The following PSD3 variants were observed in gnomAD, a reference collection of about 807,000 sequenced individuals.
PSD3 encodes the protein pleckstrin and Sec7 domain containing 3.
A neutral mutation model predicts 105.5 loss-of-function variants in PSD3; 49 were observed. That is an observed-to-expected ratio of 0.46 (90% CI 0.37 to 0.59). PSD3 has a LOEUF of 0.59. Ranked by LOEUF, PSD3 falls within the 20% of genes least tolerant of loss-of-function variation. The probability of loss-of-function intolerance (pLI) is 0.00; values close to 1 mark genes in which losing one functional copy is unlikely to be tolerated. For synonymous variants in PSD3, 557 were observed against 457.8 expected (o/e 1.22, Z -2.77); for missense variants, 1,561 against 1,263.8 (o/e 1.24, Z -3.57).
intron 9 of PSD3, among the ~76,000 whole-genome samples, chr8:18,745,009 G>C (rs1217692694): frequency 2.0e-5 from 3 of 152,160 alleles, no homozygotes; most frequent in Non-Finnish European, 4.4e-5. Context: ...AGGCATTTTG[G>C]GAAAGAGAAG....
chr8:18,658,778 A>T (rs1809089884), intron 9 of PSD3, among the ~76,000 whole-genome samples: 1 of 151,212 alleles, frequency 6.6e-6, no homozygotes, highest in Non-Finnish European at 1.5e-5. Flanking sequence ...CCTTAAGGGT[A>T]AGGAGGCCTA....
At chr8:18,672,187 T>A (rs1363354083) in intron 9 of PSD3, among the ~76,000 whole-genome samples, 1 of 152,114 alleles carries the variant, frequency 6.6e-6, no homozygotes, top group Non-Finnish European at 1.5e-5. Context: ...AACATAAATT[T>A]AAAGTGACCT....
At chr8:18,650,677 A>T (rs1462911706) in intron 10 of PSD3, among the ~76,000 whole-genome samples, 1 of 152,260 alleles carries the variant, frequency 6.6e-6, no homozygotes, top group African/African-American at 2.4e-5. Flanking sequence ...GGCCAGGCAC[A>T]GGAGAAGCTG....
chr8:18,735,811 A>C (rs1804106381), intron 9 of PSD3, among the ~76,000 whole-genome samples: 1 of 152,198 alleles, frequency 6.6e-6, no homozygotes, highest in South Asian at 2.1e-4. Flanking sequence ...GTGACACAGC[A>C]CCAGAAATTT....
chr8:18,876,888 G>T (rs1817766585), intron 2 of PSD3, among the ~76,000 whole-genome samples: 1 of 152,122 alleles, frequency 6.6e-6, no homozygotes, highest in Admixed American at 6.6e-5. Context: ...TCCTAGAAGT[G>T]GTATCTCACT....
At chr8:18,897,743 G>A (rs1244616627) in intron 2 of PSD3, among the ~76,000 whole-genome samples, 1 of 151,908 alleles carries the variant, frequency 6.6e-6, no homozygotes, top group African/African-American at 2.4e-5. Flanking sequence ...TTTTTCCCTA[G>A]GTATTTTACT....
intron 1 of PSD3, among the ~76,000 whole-genome samples, chr8:19,002,990 G>C (rs995673940): frequency 6.6e-6 from 1 of 151,982 alleles, no homozygotes; most frequent in Admixed American, 6.6e-5. Flanking sequence ...CTACCATCCA[G>C]GTCACATTTA....
chr8:18,721,217 T>G (rs1802949351), intron 9 of PSD3: 1 of 151,996 alleles, frequency 6.6e-6, no homozygotes. Context: ...CTGATACTGT[T>G]TTATCAATCA....
intron 9 of PSD3, among the ~76,000 whole-genome samples, chr8:18,667,380 T>C (rs1001051378): frequency 2.0e-5 from 3 of 152,158 alleles, no homozygotes; most frequent in Non-Finnish European, 2.9e-5. Flanking sequence ...AAAGTGCTGA[T>C]TGGTGCATTT....
intron 15 of PSD3, among the ~76,000 whole-genome samples, chr8:18,540,514 G>C (rs1037234607): frequency 6.6e-6 from 1 of 152,136 alleles, no homozygotes; most frequent in Non-Finnish European, 1.5e-5. Context: ...TAAAAGCTTT[G>C]CTCCTTCACT....
chr8:18,630,599 A>G (rs1806823749), intron 11 of PSD3, among the ~76,000 whole-genome samples: 1 of 151,554 alleles, frequency 6.6e-6, no homozygotes, highest in African/African-American at 2.4e-5. Context: ...AGTAGTAAAT[A>G]CTCCGAATAA....
At chr8:18,809,292 G>C (rs17127236) in intron 4 of PSD3, among the ~76,000 whole-genome samples, 2,966 of 152,200 alleles carry the variant, frequency 0.019, 106 homozygotes, top group African/African-American at 0.067. Context: ...ATGTGTAAGA[G>C]ACTTCCCAAA....
intron 9 of PSD3, among the ~76,000 whole-genome samples, chr8:18,752,290 C>A (rs1489850732): frequency 6.7e-6 from 1 of 149,622 alleles, no homozygotes; most frequent in Non-Finnish European, 1.5e-5. Flanking sequence ...GAAATTATTT[C>A]TTTAATGAGT....
chr8:18,684,946 G>A (rs1489767758), intron 9 of PSD3, among the ~76,000 whole-genome samples: 2 of 152,182 alleles, frequency 1.3e-5, no homozygotes, highest in East Asian at 1.9e-4. Flanking sequence ...CATATGAAGT[G>A]AGTTTTGAGC....
At chr8:18,557,622 C>G (rs961824598) in intron 14 of PSD3, 2 of 153,008 alleles carry the variant, frequency 1.3e-5, no homozygotes, top group Non-Finnish European at 2.9e-5. Flanking sequence ...GTGGAGTGAT[C>G]TAAAAATGAC....
At chr8:18,543,775 G>A (rs1440250814) in intron 15 of PSD3, among the ~76,000 whole-genome samples, 1 of 151,966 alleles carries the variant, frequency 6.6e-6, no homozygotes, top group Non-Finnish European at 1.5e-5. Flanking sequence ...ATTGTGTTTT[G>A]AAAAAAATTA....
intron 9 of PSD3, among the ~76,000 whole-genome samples, chr8:18,752,585 A>T (rs60131408): frequency 1.2e-5 from 1 of 81,036 alleles, no homozygotes; most frequent in Non-Finnish European, 2.1e-5. Context: ...AATTATATAT[A>T]TTATATATTA....
chr8:18,570,665 C>T (rs915920356), intron 14 of PSD3, among the ~76,000 whole-genome samples: 1 of 148,896 alleles, frequency 6.7e-6, no homozygotes, highest in Non-Finnish European at 1.5e-5. Context: ...GGGCGAAGGA[C>T]ATGAACAGAC....
chr8:18,628,368 C>A (rs1806646023), intron 11 of PSD3, among the ~76,000 whole-genome samples: 1 of 151,310 alleles, frequency 6.6e-6, no homozygotes, highest in South Asian at 2.1e-4. Flanking sequence ...TGCAGAGGAA[C>A]AAAGATAAGA....
Sources: allele counts gnomAD v4.1 joint callset (sites outside exome capture counted in the v4.1 genomes callset), GRCh38; gene constraint gnomAD v4.1.1; transcripts MANE v1.5; gene names NCBI Gene and HGNC (gene_info 2026-07-23, HGNC 2026-07-21).